Variants in LRP1B observed in about 807,000 individuals in gnomAD.
LRP1B encodes the protein low-density lipoprotein receptor-related protein 1B.
In LRP1B, 217 loss-of-function variants were observed where a neutral mutation model predicts 556.6. That is an observed-to-expected ratio of 0.39 (90% CI 0.35 to 0.44). LRP1B has a LOEUF of 0.44. LRP1B is among the 20% of genes least tolerant of loss of function. The pLI is 1.00. For missense variants in LRP1B, 5,053 were observed against 5,620.8 expected (o/e 0.90, Z 3.23); for synonymous variants, 2,047 against 1,865.8 (o/e 1.10, Z -2.50).
intron 9 of LRP1B, 62 bp from the exon 10 acceptor site, chr2:141,055,321 A>G: frequency 6.5e-7 from 1 of 1,540,878 alleles, no homozygotes; most frequent in Non-Finnish European, 8.8e-7. Context: ...AACTATGTGC[A>G]TCAGTATGTC....
intron 2 of LRP1B, among the ~76,000 whole-genome samples, chr2:141,809,394 T>G (rs1326558046): frequency 6.6e-6 from 1 of 152,084 alleles, no homozygotes; most frequent in Non-Finnish European, 1.5e-5. Context: ...TCACATTAGC[T>G]TCATACAACT....
At chr2:141,840,263 T>C (rs1697421209) in intron 1 of LRP1B, among the ~76,000 whole-genome samples, 2 of 137,308 alleles carry the variant, frequency 1.5e-5, no homozygotes, top group South Asian at 2.4e-4. Flanking sequence ...TTTCCTTTTT[T>C]TTTTTTTTTT....
intron 23 of LRP1B, among the ~76,000 whole-genome samples, chr2:140,894,817 G>A (rs1400767751): frequency 2.0e-5 from 3 of 151,912 alleles, no homozygotes; most frequent in Non-Finnish European, 2.9e-5. Context: ...GCATGGTGGC[G>A]CCTGCCTGTA....
chr2:141,669,306 T>C (rs1258149280), intron 2 of LRP1B, among the ~76,000 whole-genome samples: 1 of 152,158 alleles, frequency 6.6e-6, no homozygotes, highest in Non-Finnish European at 1.5e-5. Flanking sequence ...GACTGCCACC[T>C]ATATACCAAA....
chr2:140,367,731 T>C (rs1223765330), intron 71 of LRP1B, among the ~76,000 whole-genome samples: 3 of 151,754 alleles, frequency 2.0e-5, no homozygotes, highest in Non-Finnish European at 4.4e-5. Flanking sequence ...ATCAAATGCC[T>C]AGAATATGAA....
chr2:140,999,333 T>C (rs1326215927), intron 15 of LRP1B, among the ~76,000 whole-genome samples: 1 of 152,056 alleles, frequency 6.6e-6, no homozygotes, highest in African/African-American at 2.4e-5. Flanking sequence ...TCTAGTGCAA[T>C]GAGTATAGAC....
chr2:141,143,907 GTAATT>G (rs1453207286), intron 7 of LRP1B, among the ~76,000 whole-genome samples: 1 of 151,604 alleles, frequency 6.6e-6, no homozygotes, highest in Non-Finnish European at 1.5e-5. Context: ...TACACAGTTA[GTAATT>G]GCAGGAGTCT....
chr2:141,198,705 C>T (rs1009396642), intron 6 of LRP1B, among the ~76,000 whole-genome samples: 4 of 152,130 alleles, frequency 2.6e-5, no homozygotes, highest in East Asian at 1.9e-4. Context: ...ATTTTATCTA[C>T]TATGGTAGAT....
intron 66 of LRP1B, among the ~76,000 whole-genome samples, chr2:140,420,014 GAA>G (rs76165653): frequency 8.1e-5 from 7 of 86,368 alleles, no homozygotes; most frequent in Admixed American, 2.8e-4. Flanking sequence ...TCATAAAAAA[GAA>G]AAAAAAAAAA....
intron 41 of LRP1B, among the ~76,000 whole-genome samples, chr2:140,655,671 G>T (rs752524310): frequency 1.2e-4 from 19 of 152,180 alleles, no homozygotes; most frequent in Non-Finnish European, 2.5e-4. Flanking sequence ...CGCCAGGCGC[G>T]GTGGCTCACG....
chr2:142,065,201 C>T (rs556390917), intron 1 of LRP1B, among the ~76,000 whole-genome samples: 1 of 151,468 alleles, frequency 6.6e-6, no homozygotes, highest in Non-Finnish European at 1.5e-5. Flanking sequence ...TTACTACAGA[C>T]TTAGTGACTT....
intron 72 of LRP1B, 146 bp from the exon 73 acceptor site, chr2:140,359,092 C>A: frequency 1.5e-6 from 1 of 667,632 alleles, no homozygotes; most frequent in Non-Finnish European, 2.3e-6. Flanking sequence ...CTACTAGTGG[C>A]TACCAGAAAA....
chr2:141,693,721 T>G (rs1454958384), intron 2 of LRP1B, among the ~76,000 whole-genome samples: 1 of 152,044 alleles, frequency 6.6e-6, no homozygotes, highest in African/African-American at 2.4e-5. Flanking sequence ...CCTATTTTGT[T>G]TTTTACTTAA....
intron 6 of LRP1B, among the ~76,000 whole-genome samples, chr2:141,191,972 C>T (rs969794528): frequency 6.6e-6 from 1 of 151,934 alleles, no homozygotes; most frequent in Admixed American, 6.6e-5. Flanking sequence ...TTCATACCTT[C>T]TCTCAACTCT....
intron 21 of LRP1B, 132 bp from the exon 22 acceptor site, chr2:140,908,209 A>C: frequency 1.5e-6 from 1 of 660,940 alleles, no homozygotes; most frequent in Non-Finnish European, 2.6e-6. Context: ...CTATTTGCTT[A>C]TTATTTGACA....
At chr2:141,763,088 G>A (rs1694615246) in intron 2 of LRP1B, among the ~76,000 whole-genome samples, 1 of 152,132 alleles carries the variant, frequency 6.6e-6, no homozygotes, top group Non-Finnish European at 1.5e-5. Context: ...ATGTTGTTGT[G>A]TATAAGAGAA....
chr2:141,234,646 G>A (rs1683588268), intron 5 of LRP1B, among the ~76,000 whole-genome samples: 1 of 151,870 alleles, frequency 6.6e-6, no homozygotes, highest in African/African-American at 2.4e-5. Flanking sequence ...TCAAGTGCTG[G>A]GATTACAGGC....
chr2:140,627,389 T>C (rs4954844), intron 41 of LRP1B, among the ~76,000 whole-genome samples: 34,793 of 152,032 alleles, frequency 0.23, 4,310 homozygotes, highest in Admixed American at 0.3. Flanking sequence ...GCAGAGTCTT[T>C]TGGCCTCCAT....
chr2:141,019,198 C>T lies in LRP1B; in HGVS notation c.1970+724G>A, dbSNP rs1018144338. On this transcript the variant is annotated intron_variant, in intron 12 of 90. Coordinates refer to ENST00000389484, the MANE Select transcript of LRP1B (RefSeq NM_018557.3). Reference sequence around the variant, plus strand: ...TAAAAATCAAAAGAAAACATATTACCAAGAATTGGACAAAATATTTCATTC... The same window carrying T: ...TAAAAATCAAAAGAAAACATATTACTAAGAATTGGACAAAATATTTCATTC... Among the ~76,000 whole-genome samples the T allele has an allele frequency of 5.3e-5, 8 of 151,858 alleles. No homozygotes were observed. The South Asian group carries it at 8.3e-4, about 16-fold the overall frequency.
Sources: gnomAD v4.1 joint callset for allele counts (sites outside exome capture counted in the v4.1 genomes callset) on GRCh38, gnomAD v4.1.1 for gene constraint, MANE v1.5 for transcripts, NCBI Gene and HGNC (gene_info 2026-07-23, HGNC 2026-07-21) for gene names.